ARHGAP44: variants seen among roughly 807,000 people sequenced by gnomAD.
ARHGAP44 encodes the protein rho GTPase-activating protein 44.
Under a neutral mutation model 106.8 loss-of-function variants are expected in ARHGAP44, and 43 were observed. The observed-to-expected ratio is 0.40, with a 90% CI of 0.32 to 0.52. ARHGAP44 has a LOEUF of 0.52. Among genes scored for constraint, ARHGAP44 ranks in the 20% least tolerant of loss-of-function variants. The pLI is 0.48. For missense variants in ARHGAP44, 866 were observed against 1,050.5 expected (o/e 0.82, Z 2.43); for synonymous variants, 439 against 410.3 (o/e 1.07, Z -0.85).
intron 18 of ARHGAP44, among the ~76,000 whole-genome samples, chr17:12,976,389 G>C (rs1221866283): frequency 6.6e-6 from 1 of 151,996 alleles, no homozygotes; most frequent in Non-Finnish European, 1.5e-5. Flanking sequence ...GAGGCGGGCG[G>C]ATCACCTGAG....
chr17:12,990,140 C>A lies in ARHGAP44; in HGVS notation c.2426C>A (p.Ser809Ter), dbSNP rs1188383525. ...CACTCAGTAACTGACAAGAGGGACTCGGAGGAGGAGTCTGAGAGCACCGCC... is the reference window on the plus strand; with the variant it reads ...CACTCAGTAACTGACAAGAGGGACTAGGAGGAGGAGTCTGAGAGCACCGCC... ...RRHSVTDKRD[S>*]EEESESTAL The change falls in exon 21 of 21, where the codon TCG becomes TAG. Residue 809 changes from serine to a stop codon, truncating the protein, a stop_gained. Transcript: ENST00000379672. LOFTEE classifies it high-confidence loss of function. The A allele has an allele frequency of 6.2e-7, 1 of 1,613,380 alleles. No individual in the cohort carries two copies. Among genetic ancestry groups the A allele is most frequent in the African/African-American group, 1.3e-5 (1 of 74,908 alleles).
intron 3 of ARHGAP44, among the ~76,000 whole-genome samples, chr17:12,905,912 G>C (rs2037532212): frequency 6.6e-6 from 1 of 152,168 alleles, no homozygotes; most frequent in South Asian, 2.1e-4. Context: ...AGGTATTGTA[G>C]ACACTTGCAG....
At chr17:12,793,137 T>C (rs981771307) in intron 1 of ARHGAP44, among the ~76,000 whole-genome samples, 12 of 152,216 alleles carry the variant, frequency 7.9e-5, no homozygotes, top group Middle Eastern at 3.2e-3. Flanking sequence ...TTAATTTTCT[T>C]ACTTGCAAAA....
At chr17:12,974,537 C>A (rs1359515912) in intron 18 of ARHGAP44, among the ~76,000 whole-genome samples, 1 of 152,068 alleles carries the variant, frequency 6.6e-6, no homozygotes, top group African/African-American at 2.4e-5. Context: ...CGCAAGCAAG[C>A]AGAAGGTGGC....
At chr17:12,882,489 C>T (rs903709446) in intron 1 of ARHGAP44, among the ~76,000 whole-genome samples, 1 of 152,024 alleles carries the variant, frequency 6.6e-6, no homozygotes, top group Non-Finnish European at 1.5e-5. Flanking sequence ...TAGTGGGAAT[C>T]CTTGTCTTAC....
chr17:12,811,725 G>A (rs1395172222), intron 1 of ARHGAP44, among the ~76,000 whole-genome samples: 1 of 152,216 alleles, frequency 6.6e-6, no homozygotes. Flanking sequence ...TCAGAGAACA[G>A]TATTGGAACA....
chr17:12,958,693 G>C lies in ARHGAP44; in HGVS notation c.1343-24G>C. 6.2e-7 allele frequency: 1 copy of C among 1,611,064 alleles called. No individual in the cohort carries two copies. The highest frequency in any genetic ancestry group is 8.5e-7 in the Non-Finnish European group (1 of 1,177,836). The stretch of plus-strand genomic sequence containing the variant: ...GGTGTGGCAGACCAAGAGTTCACAT[G>C]TACCAATTCTTTCTTCCCCGCAGAG... On this transcript the variant is annotated intron_variant, in intron 15 of 20. Coordinates refer to ENST00000379672, the MANE Select transcript of ARHGAP44 (RefSeq NM_014859.6). This position sits in a 1 kb window ranked among gnomAD's most constrained non-coding sequence, Gnocchi z 4.1.
chr17:12,930,623 A>G (rs908263308), intron 7 of ARHGAP44, among the ~76,000 whole-genome samples: 2 of 152,130 alleles, frequency 1.3e-5, no homozygotes, highest in African/African-American at 4.8e-5. Flanking sequence ...TTCAATAGAC[A>G]AGAGAGGGTG....
chr17:12,858,549 G>A (rs1409611188), intron 1 of ARHGAP44, among the ~76,000 whole-genome samples: 5 of 152,150 alleles, frequency 3.3e-5, no homozygotes, highest in African/African-American at 7.2e-5. Context: ...GCAAAAGGGG[G>A]CAAATTAGGA....
chr17:12,973,834 C>T lies in ARHGAP44; in HGVS notation c.1542-255C>T, dbSNP rs2039591449. On this transcript the variant is annotated intron_variant, in intron 17 of 20. Coordinates refer to ENST00000379672, the MANE Select transcript of ARHGAP44 (RefSeq NM_014859.6). ...CACAGCTTGTGGCCGCCAGCGCTGC[C>T]GACTGTGCCCTGCTCCTTGCCTCAG... 5 of 573,132 alleles carry T rather than the reference C, an allele frequency of 8.7e-6. No homozygotes were observed. The Admixed American group carries it at 1.3e-4, about 15-fold the overall frequency. The allele number at this position is 573,132 out of a possible 1,614,324, so 35.5% of individuals were successfully genotyped here.
In ARHGAP44 at chr17:12,988,199, G is replaced by C. The variant is rs1225206955; in HGVS notation, c.2318-1833G>C. The C allele has an allele frequency of 2.0e-5, 3 of 152,188 alleles. No individual in the cohort carries two copies. In the East Asian group the frequency reaches 5.8e-4, roughly 29 times the overall value. The allele number at this position is 152,188 out of a possible 1,614,324, so 9.4% of individuals were successfully genotyped here. A position where few individuals can be genotyped will look rare whatever the true frequency, so the allele number is the denominator to read the frequency against. ...GGGGTGTCTTTAAGGGAGCAGCAAG[G>C]ATAAAGGTATGACAGCTCACACAAG... On this transcript the variant is annotated intron_variant, in intron 20 of 20. Coordinates refer to ENST00000379672, the MANE Select transcript of ARHGAP44 (RefSeq NM_014859.6).
chr17:12,858,120 G>T (rs1184518502), intron 1 of ARHGAP44, among the ~76,000 whole-genome samples: 1 of 152,192 alleles, frequency 6.6e-6, no homozygotes, highest in African/African-American at 2.4e-5. Context: ...TCTGTAGTAA[G>T]CCTTTGGCTA....
At position 12,980,200 on chromosome 17, in the gene ARHGAP44, C is replaced by A. The variant is rs1016957130; in HGVS notation, c.1906C>A (p.Pro636Thr). The A allele has an allele frequency of 1.2e-6, 2 of 1,613,344 alleles. No homozygotes were observed. Among genetic ancestry groups the A allele is most frequent in the Non-Finnish European group, 1.7e-6 (2 of 1,179,854 alleles). The change falls in exon 19 of 21, where the codon CCT (proline) becomes ACT (threonine). Residue 636 changes from proline (P) to threonine (T), a missense_variant. Physicochemically the swap from Pro to Thr is conservative, Grantham distance 38 (BLOSUM62 -1). This residue lies in a region of ARHGAP44 where 418 missense variants were observed against 403.6 expected (regional missense o/e 1.04). Coordinates refer to ENST00000379672, the MANE Select transcript of ARHGAP44 (RefSeq NM_014859.6). Reference protein sequence around the residue: ...PGASPSPSQPPADQSPHTLRK... With the variant: ...PGASPSPSQPTADQSPHTLRK... Reference sequence around the variant, plus strand: ...CGCCAGCCCCAGCCCCAGCCAGCCGCCTGCAGACCAGAGTCCTCACACCCT... The same window carrying A: ...CGCCAGCCCCAGCCCCAGCCAGCCGACTGCAGACCAGAGTCCTCACACCCT...
At position 12,915,304 on chromosome 17, in the gene ARHGAP44, T is replaced by A. The variant is rs140315841; in HGVS notation, c.276-596T>A. On this transcript the variant is annotated intron_variant, in intron 4 of 20. Transcript: ENST00000379672. The stretch of plus-strand genomic sequence containing the variant: ...TTTAGTTAAAATGGGTACCAGACAA[T>A]GGGAGAATGGCCTGTGTACAATTTG... Among the ~76,000 whole-genome samples the A allele has an allele frequency of 3.7e-3, 570 of 152,342 alleles. 17 individuals are homozygous for A. In the East Asian group the frequency reaches 0.068, roughly 18 times the overall value.
intron 7 of ARHGAP44, among the ~76,000 whole-genome samples, chr17:12,934,626 T>G (rs967383664): frequency 3.9e-5 from 6 of 152,160 alleles, no homozygotes; most frequent in African/African-American, 1.4e-4. Flanking sequence ...GGTGTGGATT[T>G]TTCTGAAACA....
chr17:12,976,236 CACAA>C (rs903191393), intron 18 of ARHGAP44, among the ~76,000 whole-genome samples: 18 of 152,212 alleles, frequency 1.2e-4, no homozygotes, highest in Admixed American at 1.2e-3. Flanking sequence ...ACCACCAGCA[CACAA>C]ACACACACCC....
intron 20 of ARHGAP44, among the ~76,000 whole-genome samples, chr17:12,989,230 C>T (rs2040047029): frequency 6.6e-6 from 1 of 151,742 alleles, no homozygotes; most frequent in Admixed American, 6.6e-5. Flanking sequence ...AGTCAGCAAG[C>T]ACAGCCTCGT....
At chr17:12,802,260 ACT>A (rs989093622) in intron 1 of ARHGAP44, among the ~76,000 whole-genome samples, 3 of 152,064 alleles carry the variant, frequency 2.0e-5, no homozygotes, top group Admixed American at 6.6e-5. Flanking sequence ...GCAGAAATAG[ACT>A]CTAGCTAATT....
intron 1 of ARHGAP44, among the ~76,000 whole-genome samples, chr17:12,843,680 G>A (rs1167194705): frequency 2.6e-5 from 3 of 116,088 alleles, no homozygotes; most frequent in African/African-American, 9.8e-5. Flanking sequence ...TTTTTGAGAT[G>A]GAGTTTCGTC....
Sources: gnomAD v4.1 joint callset for allele counts (sites outside exome capture counted in the v4.1 genomes callset) on GRCh38, gnomAD v4.1.1 for gene constraint, gnomAD v4.1.1 regional missense constraint, Gnocchi (gnomAD v3.1) non-coding constraint, MANE v1.5 for transcripts, NCBI Gene and HGNC (gene_info 2026-07-23, HGNC 2026-07-21) for gene names.